The following YAE1 variants were observed in gnomAD, a reference collection of about 807,000 sequenced individuals.
YAE1 encodes the protein protein YAE1 homolog.
A neutral mutation model predicts 23.0 loss-of-function variants in YAE1; 22 were observed. The observed-to-expected ratio is 0.96, with a 90% CI of 0.68 to 1.37. The LOEUF is 1.37. Among genes scored for constraint, YAE1 ranks in the 40% most tolerant of loss-of-function variants. YAE1 has a pLI of 0.00. For missense variants in YAE1, 260 were observed against 262.1 expected (o/e 0.99, Z 0.06); for synonymous variants, 101 against 97.0 (o/e 1.04, Z -0.24).
chr7:39,605,076 G>A (rs1791109575), intron 2 of YAE1, among the ~76,000 whole-genome samples: 1 of 152,254 alleles, frequency 6.6e-6, no homozygotes, highest in African/African-American at 2.4e-5. Context: ...AGCTGCCCCT[G>A]AGCTTTCTCA....
intron 2 of YAE1, among the ~76,000 whole-genome samples, chr7:39,578,508 C>T (rs937824071): frequency 1.3e-4 from 20 of 152,212 alleles, no homozygotes; most frequent in Admixed American, 6.5e-4. Context: ...TGAGCTGTAA[C>T]ACTCACTGCA....
intron 1 of YAE1, among the ~76,000 whole-genome samples, chr7:39,569,062 T>G (rs1235145826): frequency 6.6e-6 from 1 of 152,138 alleles, no homozygotes; most frequent in African/African-American, 2.4e-5. Flanking sequence ...ACCCCAATAA[T>G]GCAATACTGG....
At chr7:39,584,393 G>A (rs1790783921) in intron 2 of YAE1, among the ~76,000 whole-genome samples, 1 of 151,978 alleles carries the variant, frequency 6.6e-6, no homozygotes, top group African/African-American at 2.4e-5. Flanking sequence ...AAAAAGAATT[G>A]CCCTGCATCC....
chr7:39,610,216 T>C, exon 3 of YAE1: 1 of 604,568 alleles, frequency 1.7e-6, no homozygotes. Flanking sequence ...GAGTCGTTTG[T>C]GAAATTCACA....
chr7:39,569,929 G>A, intron 1 of YAE1: 2 of 1,309,808 alleles, frequency 1.5e-6, no homozygotes, highest in Non-Finnish European at 2.2e-6. Flanking sequence ...TGTCCAGTCA[G>A]TCCTGGCTGC....
chr7:39,609,400 C>T (rs1165882215), intron 2 of YAE1: 1 of 622,994 alleles, frequency 1.6e-6, no homozygotes, highest in Non-Finnish European at 2.7e-6. Context: ...ATATTTACAT[C>T]ACCATCATGT....
intron 2 of YAE1, among the ~76,000 whole-genome samples, chr7:39,597,350 G>A (rs1481526405): frequency 1.3e-5 from 2 of 152,130 alleles, no homozygotes. Flanking sequence ...TGAGAGGACT[G>A]CTTGAGCCCA....
chr7:39,572,377 C>T lies in YAE1; in HGVS notation c.352C>T (p.Leu118Phe). 1.2e-6 allele frequency: 2 copies of T among 1,614,104 alleles called. No homozygotes were observed. Among genetic ancestry groups the T allele is most frequent in the Non-Finnish European group, 1.7e-6 (2 of 1,179,976 alleles). ...DAVGQCEEYVLKHLKSITPPS... is the reference protein window; with the variant it reads ...DAVGQCEEYVFKHLKSITPPS... Reference sequence around the variant, plus strand: ...AGTTGGCCAGTGTGAAGAGTATGTGCTCAAACATCTGAAATCAATCACTCC... The same window carrying T: ...AGTTGGCCAGTGTGAAGAGTATGTGTTCAAACATCTGAAATCAATCACTCC... The change falls in exon 3 of 3, where the codon CTC becomes TTC. Residue 118 changes from leucine to phenylalanine, a missense_variant. Transcript: ENST00000223273.
chr7:39,600,342 T>A (rs1157100709), intron 2 of YAE1, among the ~76,000 whole-genome samples: 1 of 152,166 alleles, frequency 6.6e-6, no homozygotes, highest in East Asian at 1.9e-4. Context: ...TAGAATGGGA[T>A]GGGCCCCTAA....
At chr7:39,569,992 A>C in intron 1 of YAE1, 1 of 1,365,002 alleles carries the variant, frequency 7.3e-7, no homozygotes, top group Non-Finnish European at 1.0e-6. Flanking sequence ...CCCATTCAGC[A>C]AAACTTTCCC....
chr7:39,583,976 A>G (rs1473485445), intron 2 of YAE1, among the ~76,000 whole-genome samples: 2 of 152,196 alleles, frequency 1.3e-5, no homozygotes, highest in Non-Finnish European at 2.9e-5. Flanking sequence ...TCTCCTGAAC[A>G]TCATACCTGC....
At chr7:39,568,513 G>T (rs1025778766) in intron 1 of YAE1, among the ~76,000 whole-genome samples, 2 of 151,930 alleles carry the variant, frequency 1.3e-5, no homozygotes, top group Non-Finnish European at 2.9e-5. Flanking sequence ...AATTTTAAAA[G>T]ACAATTTCAA....
chr7:39,582,282 C>T (rs1403911747), intron 2 of YAE1, among the ~76,000 whole-genome samples: 4 of 152,076 alleles, frequency 2.6e-5, no homozygotes, highest in African/African-American at 7.2e-5. Context: ...ATCCTCCTCC[C>T]TCGGCCTCCC....
chr7:39,581,819 C>T (rs1790746916), intron 2 of YAE1, among the ~76,000 whole-genome samples: 1 of 151,966 alleles, frequency 6.6e-6, no homozygotes, highest in African/African-American at 2.4e-5. Context: ...CTGCAGTGAG[C>T]CGTGATCCTG....
At chr7:39,587,887 A>T (rs1790843228) in intron 2 of YAE1, among the ~76,000 whole-genome samples, 2 of 152,232 alleles carry the variant, frequency 1.3e-5, no homozygotes, top group Non-Finnish European at 2.9e-5. Flanking sequence ...AAGATAACTT[A>T]GAATAAAATT....
At chr7:39,586,979 A>T (rs950826079) in intron 2 of YAE1, among the ~76,000 whole-genome samples, 14 of 152,056 alleles carry the variant, frequency 9.2e-5, no homozygotes, top group African/African-American at 2.9e-4. Context: ...TGGGTTCACC[A>T]CCAGCCTAAA....
intron 2 of YAE1, among the ~76,000 whole-genome samples, chr7:39,578,040 G>T (rs1311268452): frequency 1.3e-5 from 2 of 150,964 alleles, no homozygotes; most frequent in Non-Finnish European, 3.0e-5. Context: ...GAATACACCA[G>T]TCAGCACTTG....
intron 2 of YAE1, among the ~76,000 whole-genome samples, chr7:39,598,402 C>A (rs1791008150): frequency 7.0e-6 from 1 of 142,654 alleles, no homozygotes; most frequent in African/African-American, 2.7e-5. Context: ...AGCCACCGCA[C>A]CTGGGCCAAG....
downstream of YAE1, among the ~76,000 whole-genome samples, chr7:39,575,084 A>T (rs1790633053): frequency 6.6e-6 from 1 of 152,220 alleles, no homozygotes; most frequent in South Asian, 2.1e-4. Context: ...TCTTCCCATG[A>T]GAATACCCTG....
Sources: allele counts gnomAD v4.1 joint callset (sites outside exome capture counted in the v4.1 genomes callset), GRCh38; gene constraint gnomAD v4.1.1; transcripts MANE v1.5; gene names NCBI Gene and HGNC (gene_info 2026-07-23, HGNC 2026-07-21).